The following SLC37A3 variants were observed in gnomAD, a reference collection of about 807,000 sequenced individuals.
SLC37A3 encodes the protein sugar phosphate exchanger 3.
SLC37A3 carries 51 observed loss-of-function variants against 67.1 expected under a neutral mutation model. The observed-to-expected ratio is 0.76, with a 90% CI of 0.61 to 0.96. The LOEUF is 0.96. SLC37A3 is among the 40% of genes least tolerant of loss of function. SLC37A3 has a pLI of 0.00. For missense variants in SLC37A3, 508 were observed against 603.0 expected, an observed-to-expected ratio of 0.84 and a Z score of 1.65; for synonymous variants, 214 against 231.4, an observed-to-expected ratio of 0.92 and a Z score of 0.68.
At chr7:140,347,964 C>G (rs546112159) in intron 10 of SLC37A3, among the ~76,000 whole-genome samples, 14 of 152,090 alleles carry the variant, frequency 9.2e-5, no homozygotes, top group South Asian at 4.1e-4. Context: ...TCTATACATA[C>G]TATGTTTTTT....
chr7:140,354,712 TA>T (rs1308044850), intron 7 of SLC37A3, among the ~76,000 whole-genome samples: 2 of 151,798 alleles, frequency 1.3e-5, no homozygotes, highest in African/African-American at 4.8e-5. Flanking sequence ...CTTTACATAT[TA>T]GGGGGGATTA....
intron 1 of SLC37A3, among the ~76,000 whole-genome samples, chr7:140,392,724 A>G (rs933410238): frequency 6.6e-6 from 1 of 152,154 alleles, no homozygotes; most frequent in Non-Finnish European, 1.5e-5. Flanking sequence ...GCCTGAGCCA[A>G]TATCTAAACT....
chr7:140,364,294 G>C, intron 5 of SLC37A3, 114 bp downstream of exon 5: 1 of 962,684 alleles, frequency 1.0e-6, no homozygotes, highest in Non-Finnish European at 1.5e-6. Context: ...AGGCAAATGA[G>C]GGATTCGAAC....
intron 1 of SLC37A3, chr7:140,387,004 A>G (rs778963711): frequency 2.0e-5 from 3 of 152,208 alleles, no homozygotes; most frequent in Non-Finnish European, 4.4e-5. Flanking sequence ...ATACAATTAT[A>G]TATATTTATC....
intron 7 of SLC37A3, among the ~76,000 whole-genome samples, chr7:140,355,369 A>G (rs1796981504): frequency 6.6e-6 from 1 of 151,924 alleles, no homozygotes; most frequent in Non-Finnish European, 1.5e-5. Context: ...GCGCCACCAC[A>G]CCCAGCTAAT....
intron 4 of SLC37A3, among the ~76,000 whole-genome samples, chr7:140,369,123 C>G (rs749057747): frequency 5.9e-5 from 9 of 152,284 alleles, no homozygotes; most frequent in Non-Finnish European, 1.2e-4. Flanking sequence ...CAGCTCTGAT[C>G]CAAGCACACC....
chr7:140,361,943 C>T (rs1282386114), intron 5 of SLC37A3, among the ~76,000 whole-genome samples: 1 of 145,416 alleles, frequency 6.9e-6, no homozygotes, highest in Non-Finnish European at 1.5e-5. Context: ...CCCAAAGTGC[C>T]GAGATTGCAG....
chr7:140,367,882 C>T (rs558848476), intron 4 of SLC37A3, among the ~76,000 whole-genome samples: 7 of 150,062 alleles, frequency 4.7e-5, no homozygotes, highest in African/African-American at 1.7e-4. Context: ...TGCAGTGACG[C>T]AATCTCGGCT....
At chr7:140,392,653 C>T (rs1034178995) in intron 1 of SLC37A3, among the ~76,000 whole-genome samples, 1 of 152,122 alleles carries the variant, frequency 6.6e-6, no homozygotes, top group Non-Finnish European at 1.5e-5. Flanking sequence ...GTAAATAGGA[C>T]GCTTAGGGCT....
intron 7 of SLC37A3, among the ~76,000 whole-genome samples, chr7:140,352,649 G>C (rs1337309266): frequency 6.6e-6 from 1 of 152,148 alleles, no homozygotes; most frequent in African/African-American, 2.4e-5. Context: ...CAATGTCTTA[G>C]GGAAGAATGG....
In SLC37A3 at chr7:140,335,494, G is replaced by A; in HGVS notation, c.1403C>T (p.Thr468Ile). ...FYFFILMTSC[T>I]IVFISPLIVR... Reference sequence around the variant, plus strand: ...TATTAATGGCGAGATAAACACAATTGTACAACTTGTCTGTAAAGAGAAAAT... The same window carrying A: ...TATTAATGGCGAGATAAACACAATTATACAACTTGTCTGTAAAGAGAAAAT... The change falls in exon 15 of 15, where the codon ACA (threonine) becomes ATA (isoleucine). Residue 468 changes from threonine to isoleucine, a missense_variant. Physicochemically the swap from Thr to Ile is moderately conservative, Grantham distance 89 (BLOSUM62 -1). Coordinates refer to ENST00000326232, the MANE Select transcript of SLC37A3 (RefSeq NM_207113.3). 1 of 1,613,638 alleles carries A rather than the reference G, an allele frequency of 6.2e-7. No individual in the cohort carries two copies. Among genetic ancestry groups the A allele is most frequent in the Non-Finnish European group, 8.5e-7 (1 of 1,179,962 alleles).
rs1797721401 is a variant in SLC37A3 at position 140,369,146 on chromosome 7, T to C, written c.291+444A>G. On this transcript the variant is annotated intron_variant, in intron 4 of 14. Coordinates refer to ENST00000326232, the MANE Select transcript of SLC37A3 (RefSeq NM_207113.3). ...ATCCAAGCACACCGACTCGCTCACC[T>C]GCTCAGGTCTTCACTCAAATGCCCG... Among the ~76,000 whole-genome samples, 6 of 152,172 alleles carry C rather than the reference T, an allele frequency of 3.9e-5. No individual in the cohort carries two copies. In the South Asian group the frequency reaches 8.3e-4, roughly 21 times the overall value.
At chr7:140,360,732 TAA>T (rs10631882) in intron 5 of SLC37A3, among the ~76,000 whole-genome samples, 6 of 137,268 alleles carry the variant, frequency 4.4e-5, no homozygotes, top group Non-Finnish European at 6.2e-5. Flanking sequence ...AGACTCCGTT[TAA>T]AAAAAAAAAA....
At chr7:140,371,208 C>T (rs1334526193) in intron 3 of SLC37A3, among the ~76,000 whole-genome samples, 1 of 152,178 alleles carries the variant, frequency 6.6e-6, no homozygotes, top group Non-Finnish European at 1.5e-5. Flanking sequence ...CAGAGTCTCA[C>T]TCTGTTGCCC....
chr7:140,339,027 G>A (rs904193374), intron 13 of SLC37A3, among the ~76,000 whole-genome samples: 12 of 152,086 alleles, frequency 7.9e-5, no homozygotes, highest in African/African-American at 2.9e-4. Context: ...AGAGTGCTGG[G>A]ATTAAAAGAG....
At chr7:140,338,752 G>A (rs866527747) in intron 13 of SLC37A3, among the ~76,000 whole-genome samples, 2 of 151,512 alleles carry the variant, frequency 1.3e-5, no homozygotes, top group African/African-American at 4.9e-5. Flanking sequence ...GATTACAAGC[G>A]TGAGCCACTG....
chr7:140,362,618 C>G (rs1368599294), intron 5 of SLC37A3, among the ~76,000 whole-genome samples: 7 of 77,684 alleles, frequency 9.0e-5, no homozygotes, highest in Non-Finnish European at 1.4e-4. Context: ...CCGGCTGCCC[C>G]TACTGGGAAG....
At chr7:140,390,433 A>G (rs1031664677) in intron 1 of SLC37A3, among the ~76,000 whole-genome samples, 6 of 151,896 alleles carry the variant, frequency 4.0e-5, no homozygotes, top group African/African-American at 1.2e-4. Context: ...AAGAGGTGCA[A>G]TCTTCCCTCC....
chr7:140,348,495 T>A, intron 10 of SLC37A3, 131 bp downstream of exon 10: 1 of 899,496 alleles, frequency 1.1e-6, no homozygotes, highest in Admixed American at 3.1e-5. Context: ...GGCTGTTTAC[T>A]AGTAGGACAG....
Sources: gnomAD v4.1 joint callset for allele counts (sites outside exome capture counted in the v4.1 genomes callset) on GRCh38, gnomAD v4.1.1 for gene constraint, MANE v1.5 for transcripts, NCBI Gene and HGNC (gene_info 2026-07-23, HGNC 2026-07-21) for gene names.